KLF5: variants seen among roughly 807,000 people sequenced by gnomAD.
KLF5 encodes the protein Krueppel-like factor 5.
A neutral mutation model predicts 36.9 loss-of-function variants in KLF5; 9 were observed. That is an observed-to-expected ratio of 0.24 (90% CI 0.15 to 0.43). The LOEUF is 0.43. Among genes scored for constraint, KLF5 ranks in the 20% least tolerant of loss-of-function variants. The probability of loss-of-function intolerance (pLI) is 1.00; values close to 1 mark genes in which losing one functional copy is unlikely to be tolerated. For missense variants in KLF5, 524 were observed against 599.5 expected (o/e 0.87, Z 1.31); for synonymous variants, 246 against 241.7 (o/e 1.02, Z -0.17).
In KLF5 at chr13:73,077,403, T is replaced by A. The variant is rs1326235209; in HGVS notation, c.*1517T>A. The A allele has an allele frequency of 1.3e-5, 2 of 152,702 alleles. No homozygotes were observed. The highest frequency in any genetic ancestry group is 2.9e-5 in the Non-Finnish European group (2 of 68,048). The allele number at this position is 152,702 out of a possible 1,614,324, so 9.5% of individuals were successfully genotyped here. On this transcript the variant is annotated 3_prime_UTR_variant, in exon 4 of 4. Transcript: ENST00000377687. ...TTGCTGTTTTGCTTCTTTTTCCCTC[T>A]TATTTTTGTATTGTGGTCATTTCCT... is the stretch of plus-strand genomic sequence containing the variant.
Position 73,077,399 on chromosome 13 carries a change from C to T in KLF5, c.*1513C>T, listed in dbSNP as rs184692532. On this transcript the variant is annotated 3_prime_UTR_variant, in exon 4 of 4. Transcript: ENST00000377687. ...TCGGTTGCTGTTTTGCTTCTTTTTC[C>T]CTCTTATTTTTGTATTGTGGTCATT... 5.2e-5 allele frequency: 8 copies of T among 152,624 alleles called. No homozygotes were observed. The East Asian group carries it at 1.3e-3, about 26-fold the overall frequency. The allele number at this position is 152,624 out of a possible 1,614,324, so 9.5% of individuals were successfully genotyped here.
Position 73,062,512 on chromosome 13 carries a change from C to A in KLF5, c.913C>A (p.Pro305Thr). ...GGCCACTTACTTTCCCCCGTCACCA[C>A]CAAGCTCAGAGCCTGGAAGTCCAGA... ...QQATYFPPSP[P>T]SSEPGSPDRQ... The change falls in exon 2 of 4, where the codon CCA becomes ACA. Residue 305 changes from proline to threonine, a missense_variant. Coordinates refer to ENST00000377687, the MANE Select transcript of KLF5 (RefSeq NM_001730.5). 6.2e-7 allele frequency: 1 copy of A among 1,614,226 alleles called. No homozygotes were observed. Among genetic ancestry groups the A allele is most frequent in the Non-Finnish European group, 8.5e-7 (1 of 1,180,048 alleles).
Position 73,076,183 on chromosome 13 carries a change from G to A in KLF5, c.*297G>A. 1 of 270,000 alleles carries A rather than the reference G, an allele frequency of 3.7e-6. No individual in the cohort carries two copies. The highest frequency in any genetic ancestry group is 6.2e-5 in the East Asian group (1 of 16,066). 16.7% of individuals were successfully genotyped at this position (270,000 alleles called of 1,614,324 possible). ...GTAAGGGGTGGGGGTGGAGGGGAGT[G>A]TGTGCAGCGTTTTTACCTAGGCACC... On this transcript the variant is annotated 3_prime_UTR_variant, in exon 4 of 4. Transcript: ENST00000377687.
intron 3 of KLF5, among the ~76,000 whole-genome samples, chr13:73,073,812 T>C (rs1321184583): frequency 2.0e-5 from 3 of 152,192 alleles, no homozygotes; most frequent in African/African-American, 7.2e-5. Context: ...ATAGCTATAT[T>C]TACTACTGGT....
rs762999881 is a variant in KLF5, at chr13:73,062,223, C to G, written c.624C>G (p.Ile208Met). The change falls in exon 2 of 4, where the codon ATC becomes ATG. Residue 208 changes from isoleucine to methionine, a missense_variant. By Grantham distance (10) the Ile-to-Met change is conservative. Coordinates refer to ENST00000377687, the MANE Select transcript of KLF5 (RefSeq NM_001730.5). ...TAAPEVNNIF[I>M]KQELPTPDLH... ...CTCCAGAGGTGAACAATATTTTCAT[C>G]AAACAAGAACTTCCTACACCAGATC... is the stretch of plus-strand genomic sequence containing the variant. The G allele has an allele frequency of 6.2e-7, 1 of 1,614,136 alleles. No homozygotes were observed. Among genetic ancestry groups the G allele is most frequent in the Non-Finnish European group, 8.5e-7 (1 of 1,180,024 alleles).
At chr13:73,062,783 G>C in intron 2 of KLF5, 49 bp downstream of exon 2, 6 of 1,533,162 alleles carry the variant, frequency 3.9e-6, no homozygotes, top group Non-Finnish European at 5.3e-6. Flanking sequence ...GTGTGTGTGT[G>C]TGTGTGTCTG....
chr13:73,063,947 A>G (rs2044659523), intron 3 of KLF5, 64 bp downstream of exon 3: 1 of 1,029,308 alleles, frequency 9.7e-7, no homozygotes. Context: ...TCATCCTTTT[A>G]AAAGCTAACA....
At chr13:73,064,997 G>A (rs1194976887) in intron 3 of KLF5, among the ~76,000 whole-genome samples, 1 of 152,112 alleles carries the variant, frequency 6.6e-6, no homozygotes, top group Non-Finnish European at 1.5e-5. Flanking sequence ...CAGCCCTAAA[G>A]AAAAGAACTT....
Position 73,070,183 on chromosome 13 carries a change from A to G in KLF5, c.1196-5525A>G, listed in dbSNP as rs73518697. On this transcript the variant is annotated intron_variant, in intron 3 of 3. Transcript: ENST00000377687. ...AGGTAACTTTTACCTAAAAATATCT[A>G]TATAGAAGAATAAATTTATTTTTGG... Among the ~76,000 whole-genome samples the G allele has an allele frequency of 8.5e-3, 1,296 of 152,312 alleles. 24 individuals carry two copies. The highest frequency in any genetic ancestry group is 0.029 in the African/African-American group (1,219 of 41,556).
chr13:73,074,838 T>A (rs1397884746), intron 3 of KLF5, among the ~76,000 whole-genome samples: 1 of 149,132 alleles, frequency 6.7e-6, no homozygotes, highest in African/African-American at 2.4e-5. Flanking sequence ...GGCCAACTGT[T>A]TTTATTTTGT....
chr13:73,056,646 G>A (rs149152679), upstream of KLF5, among the ~76,000 whole-genome samples: 8 of 152,306 alleles, frequency 5.3e-5, no homozygotes, highest in East Asian at 3.9e-4. Flanking sequence ...AAATGTCTCC[G>A]AAAAGGATTA....
Position 73,061,900 on chromosome 13 carries a change from C to G in KLF5, c.301C>G (p.Pro101Ala), listed in dbSNP as rs754308838. The G allele has an allele frequency of 6.2e-7, 1 of 1,613,824 alleles. No individual in the cohort carries two copies. The highest frequency in any genetic ancestry group is 2.2e-5 in the East Asian group (1 of 44,878). ...EMEKYLTPQL[P>A]PVPIIPEHKK... is the part of the protein sequence containing the mutation. ...GGAGAAGTATCTGACACCTCAGCTT[C>G]CTCCAGTTCCTATAATTCCAGAGCA... is the stretch of plus-strand genomic sequence containing the variant. Residue 101 changes from proline to alanine, a missense_variant, in exon 2 of 4, where the codon CCT (proline) becomes GCT (alanine). Transcript: ENST00000377687.
rs58634681 is a variant in KLF5, at chr13:73,060,188, G to A, written c.261+600G>A. On this transcript the variant is annotated intron_variant, in intron 1 of 3. Coordinates refer to ENST00000377687, the MANE Select transcript of KLF5 (RefSeq NM_001730.5). ...AAAAAAAAAAAAAAAAAGACCGGGG[G>A]TGTTGTTTTCTTCGTGTGCACGTAA... Among the ~76,000 whole-genome samples, 559 of 151,552 alleles carry A rather than the reference G, an allele frequency of 3.7e-3. 2 individuals carry two copies. The highest frequency in any genetic ancestry group is 0.013 in the African/African-American group (528 of 41,310).
In KLF5 at chr13:73,064,591, TGTAGTGCA is replaced by T. The variant is rs532932378; in HGVS notation, c.1195+711_1195+718del. On this transcript the variant is annotated intron_variant, in intron 3 of 3. Coordinates refer to ENST00000377687, the MANE Select transcript of KLF5 (RefSeq NM_001730.5). ...ATGGAGTCTTGCTCTGTTGCCAGGCTGTAGTGCAGTGGTGTGATCTCAGTTCACTGCAA... is the reference window on the plus strand; with the variant it reads ...ATGGAGTCTTGCTCTGTTGCCAGGCTGTGGTGTGATCTCAGTTCACTGCAA... Among the ~76,000 whole-genome samples the T allele has an allele frequency of 8.5e-5, 13 of 152,340 alleles. No homozygotes were observed. The East Asian group carries it at 2.5e-3, about 29-fold the overall frequency.
chr13:73,064,831 C>T (rs1417171470), intron 3 of KLF5, among the ~76,000 whole-genome samples: 5 of 152,104 alleles, frequency 3.3e-5, no homozygotes, highest in African/African-American at 7.2e-5. Flanking sequence ...CGTGAGCCAC[C>T]GCGCCCGACC....
chr13:73,063,700 C>G, intron 2 of KLF5, 124 bp from the exon 3 acceptor site: 1 of 660,360 alleles, frequency 1.5e-6, no homozygotes, highest in Non-Finnish European at 2.6e-6. Context: ...AAAACTGAAG[C>G]TTCAAATAAT....
chr13:73,060,096 G>A (rs1011440108), intron 1 of KLF5, among the ~76,000 whole-genome samples: 1 of 150,402 alleles, frequency 6.6e-6, no homozygotes. Context: ...GCGATTGCGG[G>A]CCGCGTTTGG....
rs1383520353 is a variant in KLF5, at chr13:73,059,600, C to T, written c.261+12C>T. The T allele has an allele frequency of 5.2e-6, 6 of 1,150,602 alleles. No homozygotes were observed. The South Asian group carries it at 1.2e-4, about 23-fold the overall frequency. 71.3% of individuals were successfully genotyped at this position (1,150,602 alleles called of 1,614,324 possible). A position where few individuals can be genotyped will look rare whatever the true frequency, so the allele number is the denominator to read the frequency against. Reference sequence around the variant, plus strand: ...AGGACCTGGTCCAGGTAGGAAGAGCCGCTCCCCTCCCACCGCAGCACTCCC... The same window carrying T: ...AGGACCTGGTCCAGGTAGGAAGAGCTGCTCCCCTCCCACCGCAGCACTCCC... On this transcript the variant is annotated intron_variant, in intron 1 of 3. Coordinates refer to ENST00000377687, the MANE Select transcript of KLF5 (RefSeq NM_001730.5).
Position 73,075,731 on chromosome 13 carries a change from T to TGGG in KLF5, c.1220_1222dup (p.Trp407_Glu408insGly). On this transcript the variant is annotated inframe_insertion, in exon 4 of 4. Transcript: ENST00000377687. ...AGGTGAAAAGCCATACAAGTGTACC[T>TGGG]GGGAAGGCTGCGACTGGAGGTTCGC... 1 of 1,607,504 alleles carries TGGG rather than the reference T, an allele frequency of 6.2e-7. No individual in the cohort carries two copies. The highest frequency in any genetic ancestry group is 8.5e-7 in the Non-Finnish European group (1 of 1,175,736).
Sources: allele counts gnomAD v4.1 joint callset (sites outside exome capture counted in the v4.1 genomes callset), GRCh38; gene constraint gnomAD v4.1.1; transcripts MANE v1.5; gene names NCBI Gene and HGNC (gene_info 2026-07-23, HGNC 2026-07-21).